Variants in UBE2D2 observed in about 807,000 individuals in gnomAD.
UBE2D2 encodes the protein ubiquitin-conjugating enzyme E2 D2.
Under a neutral mutation model 24.2 loss-of-function variants are expected in UBE2D2, and 2 were observed. The ratio of observed to expected loss-of-function variants is 0.08; its 90% confidence interval spans 0.03 to 0.26. The LOEUF is 0.26. Among genes scored for constraint, UBE2D2 ranks in the 10% least tolerant of loss-of-function variants. The pLI is 1.00. For synonymous variants in UBE2D2, 58 were observed against 56.5 expected, an observed-to-expected ratio of 1.03 and a Z score of -0.12; for missense variants, 44 against 177.6, an observed-to-expected ratio of 0.25 and a Z score of 4.28.
chr5:139,595,305 G>A (rs1753936437), intron 1 of UBE2D2, among the ~76,000 whole-genome samples: 1 of 152,052 alleles, frequency 6.6e-6, no homozygotes, highest in East Asian at 1.9e-4. Flanking sequence ...ATGATGTAGA[G>A]ATATCAGTTT....
intron 2 of UBE2D2, among the ~76,000 whole-genome samples, chr5:139,602,495 G>A (rs1253261412): frequency 1.3e-5 from 2 of 152,110 alleles, no homozygotes; most frequent in East Asian, 3.8e-4. Flanking sequence ...TGGGCAACAT[G>A]GTGAAACCCT....
At chr5:139,538,813 C>T (rs977561460) in intron 1 of UBE2D2, among the ~76,000 whole-genome samples, 2 of 149,916 alleles carry the variant, frequency 1.3e-5, no homozygotes, top group South Asian at 2.1e-4. Context: ...GCGGAGGTTG[C>T]GGTGAGCGAT....
chr5:139,561,698 G>T lies in UBE2D2; in HGVS notation c.-94G>T. The T allele has an allele frequency of 2.0e-6, 2 of 1,013,870 alleles. No homozygotes were observed. Among genetic ancestry groups the T allele is most frequent in the Non-Finnish European group, 1.4e-6 (1 of 729,812 alleles). The allele number at this position is 1,013,870 out of a possible 1,614,324, so 62.8% of individuals were successfully genotyped here. On this transcript the variant is annotated 5_prime_UTR_variant, in exon 1 of 7. Transcript: ENST00000398733. ...CTCTCCATCTTCTCCTGCCGACCGA[G>T]ATCGCCGAGGCGGCCTCAGGCTCCC...
At chr5:139,625,420 A>ACC (rs1289988741) in intron 6 of UBE2D2, among the ~76,000 whole-genome samples, 10 of 14,388 alleles carry the variant, frequency 7.0e-4, no homozygotes, top group African/African-American at 2.2e-3. Context: ...AGGCCAGCAT[A>ACC]CCCACCCCCA....
intron 1 of UBE2D2, among the ~76,000 whole-genome samples, chr5:139,528,891 C>T (rs775183122): frequency 6.6e-6 from 1 of 152,136 alleles, no homozygotes; most frequent in Non-Finnish European, 1.5e-5. Context: ...GGAGAAGCTT[C>T]GCCAACCCCT....
intron 1 of UBE2D2, among the ~76,000 whole-genome samples, chr5:139,586,241 A>C (rs988268532): frequency 6.6e-6 from 1 of 151,538 alleles, no homozygotes; most frequent in African/African-American, 2.4e-5. Context: ...CTCCTTTGTG[A>C]AACTTTAAAC....
At chr5:139,589,807 C>G (rs1024838221) in intron 1 of UBE2D2, among the ~76,000 whole-genome samples, 1 of 151,124 alleles carries the variant, frequency 6.6e-6, no homozygotes, top group Non-Finnish European at 1.5e-5. Flanking sequence ...TTTTTTGAGA[C>G]GGAGTCTTGC....
chr5:139,598,551 C>T, intron 1 of UBE2D2, among the ~76,000 whole-genome samples: 1 of 139,142 alleles, frequency 7.2e-6, no homozygotes, highest in African/African-American at 2.8e-5. Flanking sequence ...GACTACAAAG[C>T]CTTTTTTTTT....
chr5:139,598,277 T>C (rs1360022584), intron 1 of UBE2D2, among the ~76,000 whole-genome samples: 1 of 152,192 alleles, frequency 6.6e-6, no homozygotes, highest in Non-Finnish European at 1.5e-5. Flanking sequence ...AGAGTCTAAA[T>C]GGTTTTGGAT....
At chr5:139,569,231 A>C (rs1172898416) in intron 1 of UBE2D2, among the ~76,000 whole-genome samples, 1 of 152,192 alleles carries the variant, frequency 6.6e-6, no homozygotes, top group Non-Finnish European at 1.5e-5. Flanking sequence ...CCACTAAAAA[A>C]GTATTTTTTA....
intron 1 of UBE2D2, among the ~76,000 whole-genome samples, chr5:139,578,159 A>G (rs1429538336): frequency 6.6e-6 from 1 of 152,166 alleles, no homozygotes; most frequent in Non-Finnish European, 1.5e-5. Context: ...TTCAGTAACT[A>G]AAAATAGATG....
chr5:139,576,472 G>C (rs1454011922), intron 1 of UBE2D2, among the ~76,000 whole-genome samples: 2 of 151,820 alleles, frequency 1.3e-5, no homozygotes, highest in Non-Finnish European at 2.9e-5. Flanking sequence ...GCCCATCCAC[G>C]TAACCCAAAG....
chr5:139,588,859 C>T (rs187632584), intron 1 of UBE2D2, among the ~76,000 whole-genome samples: 1 of 152,134 alleles, frequency 6.6e-6, no homozygotes, highest in African/African-American at 2.4e-5. Flanking sequence ...ACCTCCTGGG[C>T]TCAAGTGATC....
chr5:139,566,773 C>G (rs1217136317), intron 1 of UBE2D2, among the ~76,000 whole-genome samples: 1 of 152,056 alleles, frequency 6.6e-6, no homozygotes, highest in Non-Finnish European at 1.5e-5. Flanking sequence ...CTAGAAAATG[C>G]ATGTGCTATC....
intron 1 of UBE2D2, among the ~76,000 whole-genome samples, chr5:139,591,461 T>C (rs1753845715): frequency 6.6e-6 from 1 of 152,156 alleles, no homozygotes; most frequent in Non-Finnish European, 1.5e-5. Context: ...TTTGAATCTT[T>C]TTAGAGGGAA....
chr5:139,618,217 G>A (rs1403113815), intron 5 of UBE2D2, among the ~76,000 whole-genome samples: 3 of 151,776 alleles, frequency 2.0e-5, no homozygotes, highest in East Asian at 1.9e-4. Flanking sequence ...CAGGTGATCC[G>A]CCCGCCTCAG....
At chr5:139,564,539 C>T (rs926285161) in intron 1 of UBE2D2, among the ~76,000 whole-genome samples, 3 of 151,876 alleles carry the variant, frequency 2.0e-5, no homozygotes, top group East Asian at 1.9e-4. Flanking sequence ...CTGCAACTTC[C>T]GCTTCCTGGG....
At chr5:139,609,400 C>T (rs555474153) in intron 2 of UBE2D2, among the ~76,000 whole-genome samples, 57 of 150,624 alleles carry the variant, frequency 3.8e-4, no homozygotes, top group Non-Finnish European at 6.4e-4. Flanking sequence ...GATGGAGTTT[C>T]GCTCTTGTTG....
intron 1 of UBE2D2, among the ~76,000 whole-genome samples, chr5:139,537,799 C>T (rs528921635): frequency 4.0e-5 from 6 of 151,838 alleles, no homozygotes; most frequent in South Asian, 2.1e-4. Context: ...CCCTTCTCTA[C>T]TAAAAATACA....
Sources: allele counts gnomAD v4.1 joint callset (sites outside exome capture counted in the v4.1 genomes callset), GRCh38; gene constraint gnomAD v4.1.1; transcripts MANE v1.5; gene names NCBI Gene and HGNC (gene_info 2026-07-23, HGNC 2026-07-21).